Variants in NTM observed in about 807,000 individuals in gnomAD.
NTM encodes neurotrimin.
In NTM, 13 loss-of-function variants were observed where a neutral mutation model predicts 42.1. The ratio of observed to expected loss-of-function variants is 0.31; its 90% CI spans 0.20 to 0.49. The LOEUF (loss-of-function observed/expected upper bound fraction) is 0.49, where lower values mean the gene tolerates loss of function less well. Ranked by LOEUF, NTM falls within the 20% of genes least tolerant of loss-of-function variation. The pLI is 0.99. For synonymous variants in NTM, 187 were observed against 179.2 expected, an observed-to-expected ratio of 1.04 and a Z score of -0.35; for missense variants, 373 against 452.8, an observed-to-expected ratio of 0.82 and a Z score of 1.60.
intron 1 of NTM, among the ~76,000 whole-genome samples, chr11:131,507,538 G>A (rs1249290973): frequency 3.3e-4 from 50 of 152,160 alleles, no homozygotes; most frequent in Admixed American, 2.3e-3. Context: ...TTGGTGATGC[G>A]GGCTCTTTTT....
chr11:132,114,807 C>T (rs1350520940), intron 2 of NTM, among the ~76,000 whole-genome samples: 5 of 152,150 alleles, frequency 3.3e-5, no homozygotes, highest in African/African-American at 9.7e-5. Flanking sequence ...GGGGCATAGA[C>T]ATTCTACAAA....
At chr11:132,157,417 G>A (rs2073414084) in intron 3 of NTM, among the ~76,000 whole-genome samples, 1 of 152,162 alleles carries the variant, frequency 6.6e-6, no homozygotes, top group Non-Finnish European at 1.5e-5. Context: ...GGTATCTACA[G>A]GAGCAGATGG....
intron 4 of NTM, among the ~76,000 whole-genome samples, chr11:132,275,740 ATATATATG>A (rs2093695115): frequency 3.0e-5 from 1 of 32,828 alleles, no homozygotes; most frequent in African/African-American, 1.7e-4. Flanking sequence ...ATATACGTAT[ATATATATG>A]TGTATATATA....
chr11:132,169,320 C>CTTTTTTTTTTTTTTTTTCTTTTTT (rs2075783109), intron 3 of NTM, among the ~76,000 whole-genome samples: 1 of 32,358 alleles, frequency 3.1e-5, no homozygotes, highest in Non-Finnish European at 5.4e-5. Context: ...AATTTTTTTA[C>CTTTTTTTTTTTTTTTTTCTTTTTT]TTTTTTTTTT....
chr11:131,638,888 A>T (rs553080432), intron 1 of NTM, among the ~76,000 whole-genome samples: 6 of 152,304 alleles, frequency 3.9e-5, no homozygotes, highest in African/African-American at 1.4e-4. Context: ...TTAAATTTAG[A>T]ATAATAACAA....
intron 2 of NTM, among the ~76,000 whole-genome samples, chr11:132,107,339 C>CTTTTTTTT (rs780844735): frequency 2.3e-5 from 2 of 88,864 alleles, no homozygotes; most frequent in African/African-American, 1.0e-4. Context: ...AAGATTTATC[C>CTTTTTTTT]TTTTTTTTTT....
At chr11:131,654,585 G>A (rs1041918990) in intron 1 of NTM, among the ~76,000 whole-genome samples, 7 of 152,306 alleles carry the variant, frequency 4.6e-5, no homozygotes, top group South Asian at 2.1e-4. Flanking sequence ...CCCAAGGTTG[G>A]AGGTGAGGCC....
chr11:131,510,876 C>T (rs912756308), intron 1 of NTM, among the ~76,000 whole-genome samples: 1 of 152,172 alleles, frequency 6.6e-6, no homozygotes, highest in African/African-American at 2.4e-5. Flanking sequence ...GCCCCCTGGG[C>T]CGTGGGAAGA....
At chr11:131,665,173 T>G (rs1279325537) in intron 1 of NTM, among the ~76,000 whole-genome samples, 1 of 152,164 alleles carries the variant, frequency 6.6e-6, no homozygotes, top group East Asian at 1.9e-4. Flanking sequence ...CTCTTACACA[T>G]CCTTCCCACG....
At chr11:131,842,734 A>T (rs2044417029) in intron 1 of NTM, among the ~76,000 whole-genome samples, 1 of 114,224 alleles carries the variant, frequency 8.8e-6, no homozygotes, top group South Asian at 2.4e-4. Context: ...TATGAGGGCA[A>T]GCAAAGTGGC....
intron 1 of NTM, among the ~76,000 whole-genome samples, chr11:131,479,022 C>T (rs12577076): frequency 0.35 from 52,943 of 152,112 alleles, 9,649 homozygotes; most frequent in East Asian, 0.49. Context: ...GTGCCCCGCA[C>T]GCCACCTTGC....
rs143365976 is a variant in NTM at position 131,590,656 on chromosome 11, C to T, written c.82+219768C>T. Among the ~76,000 whole-genome samples the T allele has an allele frequency of 3.0e-3, 461 of 152,286 alleles. 1 individual carries two copies. Among genetic ancestry groups the T allele is most frequent in the African/African-American group, 9.9e-3 (412 of 41,558 alleles). On this transcript the variant is annotated intron_variant, in intron 1 of 8. Transcript: ENST00000683400. ...CATTCCTTCTTTGAATGCTTGCTCA[C>T]GGCCAGACACTGTGTAAGGGCTTTA...
intron 1 of NTM, among the ~76,000 whole-genome samples, chr11:131,505,681 C>T (rs1372190214): frequency 6.6e-6 from 1 of 152,184 alleles, no homozygotes; most frequent in South Asian, 2.1e-4. Flanking sequence ...TGTTCACACT[C>T]ACGCACATGC....
At chr11:131,986,227 GC>G (rs2066047374) in intron 2 of NTM, among the ~76,000 whole-genome samples, 1 of 152,302 alleles carries the variant, frequency 6.6e-6, no homozygotes, top group South Asian at 2.1e-4. Context: ...TAAAGATGCA[GC>G]CCCTAGGGAT....
At chr11:131,505,763 AG>A (rs2047410024) in intron 1 of NTM, among the ~76,000 whole-genome samples, 1 of 152,216 alleles carries the variant, frequency 6.6e-6, no homozygotes, top group African/African-American at 2.4e-5. Flanking sequence ...CCCAGGGTGC[AG>A]AAGACCCAAC....
At chr11:132,070,203 G>A (rs1393629542) in intron 2 of NTM, among the ~76,000 whole-genome samples, 5 of 135,468 alleles carry the variant, frequency 3.7e-5, no homozygotes, top group South Asian at 2.4e-4. Flanking sequence ...AAGTTAACAC[G>A]TCAAACTGAC....
intron 2 of NTM, among the ~76,000 whole-genome samples, chr11:131,987,112 A>C (rs990437001): frequency 6.6e-6 from 1 of 152,192 alleles, no homozygotes; most frequent in African/African-American, 2.4e-5. Context: ...AATGTCCCAT[A>C]TTACTAATGA....
chr11:131,912,406 G>C (rs1019912957), intron 2 of NTM, among the ~76,000 whole-genome samples: 1 of 151,366 alleles, frequency 6.6e-6, no homozygotes, highest in Non-Finnish European at 1.5e-5. Context: ...AAGGCTTACA[G>C]GCACTGGGGG....
At chr11:131,866,217 A>C (rs1468332488) in intron 1 of NTM, among the ~76,000 whole-genome samples, 1 of 152,246 alleles carries the variant, frequency 6.6e-6, no homozygotes, top group Non-Finnish European at 1.5e-5. Context: ...ACACACATGC[A>C]TGCGTTGGCA....
Sources: allele counts gnomAD v4.1 joint callset (sites outside exome capture counted in the v4.1 genomes callset), GRCh38; gene constraint gnomAD v4.1.1; transcripts MANE v1.5; gene names NCBI Gene and HGNC (gene_info 2026-07-23, HGNC 2026-07-21).